Variants in FXYD3 observed in about 807,000 individuals in gnomAD.
The protein encoded by FXYD3 is FXYD domain-containing ion transport regulator 3.
A neutral mutation model predicts 19.2 loss-of-function variants in FXYD3; 13 were observed. The ratio of observed to expected loss-of-function variants is 0.68; its 90% confidence interval spans 0.44 to 1.08. The LOEUF is 1.08. Ranked by LOEUF, FXYD3 falls within the 50% of genes least tolerant of loss-of-function variation. The probability of loss-of-function intolerance (pLI) is 0.00; values close to 1 mark genes in which losing one functional copy is unlikely to be tolerated. For synonymous variants in FXYD3, 48 were observed against 38.9 expected (o/e 1.23, Z -0.87); for missense variants, 101 against 109.4 (o/e 0.92, Z 0.34).
In FXYD3 at chr19:35,123,959, T is replaced by TA. The variant is rs1374036362; in HGVS notation, c.*503dup. ...GGACCATTCCAGGAAAACTGGGACA[T>TA]AGGATCGTCCCGCTATGATGGAAGT... is the stretch of plus-strand genomic sequence containing the variant. On this transcript the variant is annotated 3_prime_UTR_variant, in exon 9 of 9. Coordinates refer to ENST00000604404, the MANE Select transcript of FXYD3 (RefSeq NM_005971.4). The TA allele has an allele frequency of 5.8e-6, 1 of 172,336 alleles. No individual in the cohort carries two copies. Among genetic ancestry groups the TA allele is most frequent in the East Asian group, 1.5e-4 (1 of 6,524 alleles). 10.7% of individuals were successfully genotyped at this position (172,336 alleles called of 1,614,324 possible).
rs1327568819 is a variant in FXYD3 at position 35,123,726 on chromosome 19, C to T, written c.*269C>T. On this transcript the variant is annotated 3_prime_UTR_variant, in exon 9 of 9. Coordinates refer to ENST00000604404, the MANE Select transcript of FXYD3 (RefSeq NM_005971.4). The stretch of plus-strand genomic sequence containing the variant: ...GGCACCATGAGAAGGTTGGCGTGCC[C>T]TGGAGGCTGACACAGAGGCTGGCAC... The T allele has an allele frequency of 2.7e-5, 15 of 554,034 alleles. No homozygotes were observed. The East Asian group carries it at 4.6e-4, about 17-fold the overall frequency. The allele number at this position is 554,034 out of a possible 1,614,324, so 34.3% of individuals were successfully genotyped here.
At position 35,118,615 on chromosome 19, in the gene FXYD3, G is replaced by A. The variant is rs976865987; in HGVS notation, c.-14-748G>A. On this transcript the variant is annotated intron_variant, in intron 2 of 8. Coordinates refer to ENST00000604404, the MANE Select transcript of FXYD3 (RefSeq NM_005971.4). ...TGGGCCTAGGGTAGGGTCAGGGGCT[G>A]GGCTGGGGACCCCGGCTAGGCAGAG... 4 of 997,196 alleles carry A rather than the reference G, an allele frequency of 4.0e-6. No individual in the cohort carries two copies. The African/African-American group carries it at 5.2e-5, about 13-fold the overall frequency. The allele number at this position is 997,196 out of a possible 1,614,324, so 61.8% of individuals were successfully genotyped here. A position where few individuals can be genotyped will look rare whatever the true frequency, so the allele number is the denominator to read the frequency against.
intron 2 of FXYD3, 126 bp downstream of exon 2, chr19:35,116,485 A>G (rs1430651857): frequency 1.0e-6 from 1 of 985,458 alleles, no homozygotes; most frequent in Non-Finnish European, 1.2e-6. Flanking sequence ...ATCTTGTGAA[A>G]TGCTTTTCTG....
chr19:35,121,263 C>A lies in FXYD3; in HGVS notation c.97+18C>A. ...CTACTATGGTGAGAGCCCGTGCCCC[C>A]TTTCCCCTCCCCACAACCCCACATA... is the stretch of plus-strand genomic sequence containing the variant. On this transcript the variant is annotated intron_variant, in intron 5 of 8. Transcript: ENST00000604404. 1 of 1,614,098 alleles carries A rather than the reference C, an allele frequency of 6.2e-7. No individual in the cohort carries two copies. The highest frequency in any genetic ancestry group is 8.5e-7 in the Non-Finnish European group (1 of 1,179,966).
At chr19:35,119,136 C>A (rs531609919) in intron 2 of FXYD3, 2 of 1,483,914 alleles carry the variant, frequency 1.3e-6, no homozygotes, top group African/African-American at 1.4e-5. Flanking sequence ...AAGTCCATGT[C>A]CAGTGAGTTA....
In FXYD3 at chr19:35,116,120, G is replaced by A. The variant is rs923764452; in HGVS notation, c.-110-144G>A. Reference sequence around the variant, plus strand: ...CGAGTTCCAGCCCATCCAATTCTCCGTCTCACCTGAGGCTGCTGTGGTCCT... The same window carrying A: ...CGAGTTCCAGCCCATCCAATTCTCCATCTCACCTGAGGCTGCTGTGGTCCT... On this transcript the variant is annotated intron_variant, in intron 1 of 8. Transcript: ENST00000604404. The A allele has an allele frequency of 1.7e-5, 8 of 464,966 alleles. No individual in the cohort carries two copies. In the South Asian group the frequency reaches 2.7e-4, roughly 16 times the overall value. The allele number at this position is 464,966 out of a possible 1,614,324, so 28.8% of individuals were successfully genotyped here.
chr19:35,116,637 A>T, intron 2 of FXYD3: 1 of 985,188 alleles, frequency 1.0e-6, no homozygotes, highest in South Asian at 4.7e-5. Flanking sequence ...GTCTGCATGG[A>T]TTAGGGATAT....
At position 35,123,349 on chromosome 19, in the gene FXYD3, G is replaced by GGTGT. The variant is rs71167516; in HGVS notation, c.247+56_247+59dup. 1.1e-3 allele frequency: 1,629 copies of GGTGT among 1,484,194 alleles called. 6 individuals carry two copies. The African/African-American group carries it at 0.012, about 11-fold the overall frequency. The allele number at this position is 1,484,194 out of a possible 1,614,324, so 91.9% of individuals were successfully genotyped here. A position where few individuals can be genotyped will look rare whatever the true frequency, so the allele number is the denominator to read the frequency against. Reference sequence around the variant, plus strand: ...ATGGGGCTCAGGGGAACACGGAAGTGGTGTGTGTGTGTGTGTGTATGTGTG... The same window carrying GGTGT: ...ATGGGGCTCAGGGGAACACGGAAGTGGTGTGTGTGTGTGTGTGTGTGTATGTGTG... On this transcript the variant is annotated intron_variant, in intron 8 of 8. Transcript: ENST00000604404.
At position 35,119,524 on chromosome 19, in the gene FXYD3, G is replaced by A. The variant is rs964926998; in HGVS notation, c.40+108G>A. 1.1e-5 allele frequency: 11 copies of A among 996,804 alleles called. No individual in the cohort carries two copies. In the African/African-American group the frequency reaches 1.6e-4, roughly 14 times the overall value. The allele number at this position is 996,804 out of a possible 1,614,324, so 61.7% of individuals were successfully genotyped here. A position where few individuals can be genotyped will look rare whatever the true frequency, so the allele number is the denominator to read the frequency against. On this transcript the variant is annotated intron_variant, in intron 3 of 8. Transcript: ENST00000604404. The stretch of plus-strand genomic sequence containing the variant: ...CTACCTCCCCGGGAAGGTGGTAAAT[G>A]TTAGAACAGCATCTCCCTGAGGGTA...
chr19:35,123,000 T>G (rs1483305017), intron 7 of FXYD3, 46 bp downstream of exon 7: 4 of 1,538,006 alleles, frequency 2.6e-6, no homozygotes, highest in Non-Finnish European at 3.5e-6. Context: ...ACTGGACGCT[T>G]TTCAGGGTGA....
intron 2 of FXYD3, chr19:35,117,220 A>G (rs1226057659): frequency 1.4e-6 from 2 of 1,437,342 alleles, no homozygotes; most frequent in African/African-American, 3.0e-5. Flanking sequence ...GGCTCCCTGC[A>G]GCCTCCGGAA....
At position 35,119,669 on chromosome 19, in the gene FXYD3, GT is replaced by G. The variant is rs371958491; in HGVS notation, c.40+258del. On this transcript the variant is annotated intron_variant, in intron 3 of 8. Transcript: ENST00000604404. ...TTTTTTTTTGGCTTTTTTTGTTTTT[GT>G]TTTTGTTTTTGTTTTTGTTTTTGAA... The G allele has an allele frequency of 1.9e-4, 77 of 411,042 alleles. 2 individuals carry two copies. Among genetic ancestry groups the G allele is most frequent in the South Asian group, 6.3e-4 (23 of 36,696 alleles). The allele number at this position is 411,042 out of a possible 1,614,324, so 25.5% of individuals were successfully genotyped here.
chr19:35,117,649 T>A (rs2064923285), intron 2 of FXYD3, among the ~76,000 whole-genome samples: 1 of 148,582 alleles, frequency 6.7e-6, no homozygotes, highest in Admixed American at 6.8e-5. Context: ...CAACATGCCA[T>A]CCTGCCCACC....
At chr19:35,120,455 C>T (rs2065016694) in intron 3 of FXYD3, among the ~76,000 whole-genome samples, 1 of 152,188 alleles carries the variant, frequency 6.6e-6, no homozygotes, top group Non-Finnish European at 1.5e-5. Context: ...TTTACTTTTT[C>T]ACTGCAGCCT....
chr19:35,118,396 T>A, intron 2 of FXYD3: 111 of 560,306 alleles, frequency 2.0e-4, no homozygotes, highest in Middle Eastern at 1.7e-3. Context: ...AACTATGCAC[T>A]CAGCATTTGG....
At chr19:35,122,501 T>C (rs1015777560) in intron 5 of FXYD3, among the ~76,000 whole-genome samples, 2 of 152,244 alleles carry the variant, frequency 1.3e-5, no homozygotes, top group Non-Finnish European at 2.9e-5. Flanking sequence ...TCAGCCACTA[T>C]GCCCAGCCCG....
rs926109708 is a variant in FXYD3 at position 35,124,231 on chromosome 19, C to G, written c.*774C>G. ...TTCTCATGAACTACCCCACAACACG[C>G]CTAAAACTCAAAACACCCAAAAATA... On this transcript the variant is annotated 3_prime_UTR_variant, in exon 9 of 9. Coordinates refer to ENST00000604404, the MANE Select transcript of FXYD3 (RefSeq NM_005971.4). The G allele has an allele frequency of 6.6e-6, 1 of 152,312 alleles. No individual in the cohort carries two copies. Among genetic ancestry groups the G allele is most frequent in the Non-Finnish European group, 1.5e-5 (1 of 68,048 alleles). 9.4% of individuals were successfully genotyped at this position (152,312 alleles called of 1,614,324 possible).
intron 5 of FXYD3, among the ~76,000 whole-genome samples, chr19:35,122,399 C>A (rs956292813): frequency 4.6e-5 from 7 of 152,192 alleles, no homozygotes; most frequent in African/African-American, 1.7e-4. Flanking sequence ...AGGTGATCCG[C>A]CCACCTTGGC....
chr19:35,117,931 T>C (rs560093743), intron 2 of FXYD3: 43 of 152,196 alleles, frequency 2.8e-4, no homozygotes, highest in Non-Finnish European at 2.5e-4. Context: ...TCTCTCAGCA[T>C]TTTTGCTGTT....
Sources: gnomAD v4.1 joint callset for allele counts (sites outside exome capture counted in the v4.1 genomes callset) on GRCh38, gnomAD v4.1.1 for gene constraint, MANE v1.5 for transcripts, NCBI Gene and HGNC (gene_info 2026-07-23, HGNC 2026-07-21) for gene names.